The following IQCB1 variants were observed in gnomAD, a reference collection of about 807,000 sequenced individuals.
The protein encoded by IQCB1 is IQ calmodulin-binding motif-containing protein 1.
A neutral mutation model predicts 84.4 loss-of-function variants in IQCB1; 56 were observed. The observed-to-expected ratio is 0.66, with a 90% CI of 0.54 to 0.83. IQCB1 has a LOEUF of 0.83. Among genes scored for constraint, IQCB1 ranks in the 40% least tolerant of loss-of-function variants. IQCB1 has a pLI of 0.00. For synonymous variants in IQCB1, 210 were observed against 234.8 expected (o/e 0.89, Z 0.96); for missense variants, 629 against 682.1 (o/e 0.92, Z 0.87).
intron 6 of IQCB1, among the ~76,000 whole-genome samples, chr3:121,808,411 G>T (rs908346706): frequency 6.6e-6 from 1 of 151,806 alleles, no homozygotes; most frequent in African/African-American, 2.4e-5. Flanking sequence ...TCAGTCTTAA[G>T]AAAACATAAA....
chr3:121,793,799 AT>A (rs1242587289), intron 10 of IQCB1, among the ~76,000 whole-genome samples: 1 of 152,212 alleles, frequency 6.6e-6, no homozygotes, highest in East Asian at 1.9e-4. Flanking sequence ...GGAATATTAG[AT>A]TCCATAGATA....
In IQCB1 at chr3:121,828,649, TAAG is replaced by T. The variant is rs1287482290; in HGVS notation, c.101-20_101-18del. The T allele has an allele frequency of 6.4e-7, 1 of 1,557,512 alleles. No homozygotes were observed. Among genetic ancestry groups the T allele is most frequent in the East Asian group, 2.2e-5 (1 of 44,492 alleles). On this transcript the variant is annotated intron_variant, in intron 3 of 14. Coordinates refer to ENST00000310864, the MANE Select transcript of IQCB1 (RefSeq NM_001023570.4). ...TTATTATTTCTAAGGCAAAAGGAAA[TAAG>T]ATATATTTATTTTTGCTTAATACAT...
chr3:121,772,803 T>A, intron 13 of IQCB1, 90 bp from the exon 14 acceptor site: 2 of 1,126,912 alleles, frequency 1.8e-6, no homozygotes, highest in Non-Finnish European at 2.7e-6. Context: ...ACTGCTTAGC[T>A]GTCTCTCATT....
intron 2 of IQCB1, among the ~76,000 whole-genome samples, chr3:121,831,952 A>T (rs189907470): frequency 4.6e-4 from 70 of 152,358 alleles, no homozygotes; most frequent in African/African-American, 1.6e-3. Context: ...GAATGCAGCA[A>T]AATATATTTA....
At chr3:121,790,311 T>A (rs1948915584) in intron 10 of IQCB1, 96 bp from the exon 11 acceptor site, 11 of 1,142,482 alleles carry the variant, frequency 9.6e-6, no homozygotes, top group East Asian at 4.7e-5. Flanking sequence ...ACAGAAAAAA[T>A]TTTAAGATAA....
intron 5 of IQCB1, among the ~76,000 whole-genome samples, chr3:121,818,720 T>C (rs886290983): frequency 6.6e-6 from 1 of 152,178 alleles, no homozygotes; most frequent in Non-Finnish European, 1.5e-5. Flanking sequence ...ATATGTCAAA[T>C]GCATGCAGGT....
intron 7 of IQCB1, among the ~76,000 whole-genome samples, chr3:121,803,315 T>C (rs139324253): frequency 3.5e-4 from 54 of 152,290 alleles, no homozygotes; most frequent in African/African-American, 1.1e-3. Context: ...CTCAGCAAAG[T>C]GCTGAGATTA....
chr3:121,801,418 ATC>A (rs1301490780), intron 7 of IQCB1, among the ~76,000 whole-genome samples: 8 of 152,068 alleles, frequency 5.3e-5, no homozygotes, highest in African/African-American at 1.9e-4. Flanking sequence ...TGAATTAATC[ATC>A]TGTCTCACAA....
At chr3:121,825,400 A>G (rs539439748) in intron 5 of IQCB1, among the ~76,000 whole-genome samples, 1 of 152,328 alleles carries the variant, frequency 6.6e-6, no homozygotes, top group South Asian at 2.1e-4. Context: ...AAGATAAAAC[A>G]TATGCGGAGG....
At chr3:121,812,676 T>G (rs576128484) in intron 5 of IQCB1, among the ~76,000 whole-genome samples, 1 of 151,908 alleles carries the variant, frequency 6.6e-6, no homozygotes, top group Non-Finnish European at 1.5e-5. Context: ...TATAAGAGAA[T>G]GAAGATCAAC....
intron 13 of IQCB1, among the ~76,000 whole-genome samples, chr3:121,781,277 T>C (rs891250069): frequency 2.0e-5 from 3 of 152,130 alleles, no homozygotes; most frequent in Non-Finnish European, 4.4e-5. Flanking sequence ...GACATTTCTA[T>C]TGGGATAAAG....
chr3:121,818,250 T>C lies in IQCB1; in HGVS notation c.393+7801A>G, dbSNP rs547987725. 4.6e-5 allele frequency among the ~76,000 whole-genome samples: 7 copies of C among 152,358 alleles called. No homozygotes were observed. In the East Asian group the frequency reaches 1.2e-3, roughly 25 times the overall value. ...TTATCACTTCTTATAAATTCTAAGA[T>C]GAACCTCTGCTGTCAAAAGGTAAAA... On this transcript the variant is annotated intron_variant, in intron 5 of 14. Transcript: ENST00000310864.
At chr3:121,788,176 A>G (rs1461104411) in intron 12 of IQCB1, 108 bp downstream of exon 12, 4 of 1,121,710 alleles carry the variant, frequency 3.6e-6, no homozygotes, top group Non-Finnish European at 5.4e-6. Flanking sequence ...AGGCTCAAGA[A>G]AACTAAGTGT....
chr3:121,793,541 C>A (rs182864209), intron 10 of IQCB1, among the ~76,000 whole-genome samples: 35 of 152,182 alleles, frequency 2.3e-4, no homozygotes, highest in African/African-American at 8.4e-4. Context: ...TGAACTGTTA[C>A]AACTAATAGA....
At chr3:121,778,468 A>T (rs1200930619) in intron 13 of IQCB1, among the ~76,000 whole-genome samples, 2 of 152,174 alleles carry the variant, frequency 1.3e-5, no homozygotes, top group African/African-American at 2.4e-5. Flanking sequence ...TTAAGGATTT[A>T]ACATTTTTGG....
intron 5 of IQCB1, among the ~76,000 whole-genome samples, chr3:121,812,356 C>T (rs181917029): frequency 2.0e-5 from 3 of 152,242 alleles, no homozygotes; most frequent in East Asian, 3.9e-4. Context: ...AAAACCAGAA[C>T]GCCTCTTCTC....
chr3:121,776,068 AT>A (rs529951843), intron 13 of IQCB1, among the ~76,000 whole-genome samples: 1,544 of 151,646 alleles, frequency 0.01, 18 homozygotes, highest in African/African-American at 0.035. Context: ...TTCTTTAAAA[AT>A]TTTTTTTGAA....
chr3:121,795,385 C>A, intron 10 of IQCB1, 72 bp downstream of exon 10: 2 of 858,652 alleles, frequency 2.3e-6, no homozygotes, highest in Non-Finnish European at 4.0e-6. Context: ...AAAAAAAAAT[C>A]ACCTAAATTT....
intron 5 of IQCB1, among the ~76,000 whole-genome samples, 194 bp downstream of exon 5, chr3:121,825,857 C>CA (rs1172183424): frequency 6.6e-6 from 1 of 152,170 alleles, no homozygotes; most frequent in African/African-American, 2.4e-5. Flanking sequence ...TTCAAAAAAT[C>CA]AAATGGCAAG....
Sources: allele counts gnomAD v4.1 joint callset (sites outside exome capture counted in the v4.1 genomes callset), GRCh38; gene constraint gnomAD v4.1.1; transcripts MANE v1.5; gene names NCBI Gene and HGNC (gene_info 2026-07-23, HGNC 2026-07-21).